Variants in GALNT2 observed in about 807,000 individuals in gnomAD.
GALNT2 encodes polypeptide N-acetylgalactosaminyltransferase 2.
GALNT2 carries 31 observed loss-of-function variants against 81.4 expected under a neutral mutation model. That is an observed-to-expected ratio of 0.38 (90% CI 0.29 to 0.51). The LOEUF is 0.51. GALNT2 is among the 20% of genes least tolerant of loss of function. GALNT2 has a pLI of 0.87. For synonymous variants in GALNT2, 303 were observed against 287.4 expected (o/e 1.05, Z -0.55); for missense variants, 629 against 765.7 (o/e 0.82, Z 2.11).
At chr1:230,209,595 A>G (rs1488572512) in intron 3 of GALNT2, among the ~76,000 whole-genome samples, 1 of 152,222 alleles carries the variant, frequency 6.6e-6, no homozygotes, top group Non-Finnish European at 1.5e-5. Context: ...TAATCCCAGC[A>G]CTTTGGGAGG....
Position 230,274,446 on chromosome 1 carries a change from A to C in GALNT2, c.1442A>C (p.Glu481Ala). Residue 481 changes from glutamate (E) to alanine (A), a missense_variant and splice_region_variant, in exon 15 of 16, where the codon GAA becomes GCA. Around this residue, in one of 3 missense-constraint regions of GALNT2, gnomAD observed 207 missense variants for 225.5 expected, o/e 0.92. Transcript: ENST00000366672. ...CTGACTTCTGGTTTTGTGTTCCAGG[A>C]ATGGGCCTTGACGAAGGAGAAGTCG... ...YECHNAGGNQ[E>A]WALTKEKSVK... 4 of 1,613,140 alleles carry C rather than the reference A, an allele frequency of 2.5e-6. No homozygotes were observed. The highest frequency in any genetic ancestry group is 3.4e-6 in the Non-Finnish European group (4 of 1,179,542).
chr1:230,126,223 T>G (rs570090717), intron 1 of GALNT2, among the ~76,000 whole-genome samples: 4 of 152,110 alleles, frequency 2.6e-5, no homozygotes, highest in African/African-American at 9.6e-5. Flanking sequence ...GAGTGTGGGG[T>G]TGCTGTGCTA....
At chr1:230,252,318 T>C (rs1665569925) in intron 10 of GALNT2, among the ~76,000 whole-genome samples, 1 of 152,184 alleles carries the variant, frequency 6.6e-6, no homozygotes, top group Admixed American at 6.5e-5. Context: ...TGTGCCCCGC[T>C]GGAATGACCA....
intron 1 of GALNT2, among the ~76,000 whole-genome samples, chr1:230,145,006 CCAAG>C (rs1661868893): frequency 6.6e-6 from 1 of 152,076 alleles, no homozygotes; most frequent in African/African-American, 2.4e-5. Context: ...AACCTACAAA[CCAAG>C]CAAGGTGAGA....
intron 13 of GALNT2, chr1:230,263,832 C>T (rs1336653955): frequency 6.6e-6 from 1 of 152,230 alleles, no homozygotes; most frequent in African/African-American, 2.4e-5. Context: ...CAAGACTTGC[C>T]ACCATTATCT....
At chr1:230,205,650 A>G (rs559350047) in intron 3 of GALNT2, among the ~76,000 whole-genome samples, 2 of 152,230 alleles carry the variant, frequency 1.3e-5, no homozygotes, top group East Asian at 3.9e-4. Flanking sequence ...GGGCTTTGGG[A>G]TGTTGTGAAA....
At chr1:230,227,263 C>T (rs1230570955) in intron 3 of GALNT2, among the ~76,000 whole-genome samples, 2 of 151,968 alleles carry the variant, frequency 1.3e-5, no homozygotes, top group East Asian at 3.9e-4. Flanking sequence ...AATGGGTTTG[C>T]GTAAAACCCA....
At chr1:230,242,447 A>T (rs1665229789) in intron 6 of GALNT2, among the ~76,000 whole-genome samples, 1 of 152,246 alleles carries the variant, frequency 6.6e-6, no homozygotes, top group Non-Finnish European at 1.5e-5. Flanking sequence ...TAGTTGCATC[A>T]TCTTCACATA....
chr1:230,236,236 G>A, intron 4 of GALNT2, 117 bp from the exon 5 acceptor site: 3 of 1,334,688 alleles, frequency 2.2e-6, no homozygotes, highest in Non-Finnish European at 2.1e-6. Flanking sequence ...AGCACAGGGT[G>A]CAGTGTGTAG....
intron 3 of GALNT2, among the ~76,000 whole-genome samples, chr1:230,224,746 C>T (rs932229826): frequency 6.6e-6 from 1 of 152,116 alleles, no homozygotes; most frequent in African/African-American, 2.4e-5. Context: ...AGTGTGTGTG[C>T]ATGTTTTTTG....
intron 11 of GALNT2, among the ~76,000 whole-genome samples, chr1:230,258,075 C>T (rs1482456360): frequency 2.6e-5 from 4 of 152,042 alleles, no homozygotes; most frequent in East Asian, 1.9e-4. Context: ...CCACCATGCC[C>T]GGCTAATTTT....
Position 230,160,042 on chromosome 1 carries a change from A to G in GALNT2, c.127-18176A>G, listed in dbSNP as rs10127775. Among the ~76,000 whole-genome samples, 34 of 152,038 alleles carry G rather than the reference A, an allele frequency of 2.2e-4. No homozygotes were observed. The South Asian group carries it at 6.2e-3, about 28-fold the overall frequency. ...TTCCCTCCTCCCCACTCCTAGGCCA[A>G]TGTCCTTAGTTTCTGCTCACTGATC... On this transcript the variant is annotated intron_variant, in intron 1 of 15. Transcript: ENST00000366672.
intron 1 of GALNT2, among the ~76,000 whole-genome samples, chr1:230,147,251 C>T (rs770549713): frequency 5.3e-5 from 8 of 152,222 alleles, no homozygotes; most frequent in African/African-American, 9.6e-5. Context: ...GATGTTGTCC[C>T]TGGACTGATG....
At chr1:230,250,654 G>A in intron 10 of GALNT2, 94 bp downstream of exon 10, 1 of 806,642 alleles carries the variant, frequency 1.2e-6, no homozygotes, top group Non-Finnish European at 2.0e-6. Context: ...AGGCTTCAGA[G>A]TGACCATTCA....
chr1:230,162,867 C>T (rs904904199), intron 1 of GALNT2, among the ~76,000 whole-genome samples: 3 of 152,186 alleles, frequency 2.0e-5, no homozygotes, highest in Non-Finnish European at 4.4e-5. Flanking sequence ...CCATTTTTGT[C>T]CAGTCACATT....
chr1:230,124,385 G>T (rs1265696479), intron 1 of GALNT2, among the ~76,000 whole-genome samples: 1 of 152,136 alleles, frequency 6.6e-6, no homozygotes, highest in Non-Finnish European at 1.5e-5. Flanking sequence ...ATCTGTGGTC[G>T]TACTGGACTT....
intron 1 of GALNT2, among the ~76,000 whole-genome samples, chr1:230,167,350 T>C (rs769665804): frequency 3.9e-5 from 6 of 152,194 alleles, no homozygotes; most frequent in African/African-American, 7.2e-5. Flanking sequence ...TCTCACCACG[T>C]TGCCCAGGCT....
chr1:230,079,144 T>C (rs1057052598), intron 1 of GALNT2, among the ~76,000 whole-genome samples: 2 of 152,254 alleles, frequency 1.3e-5, no homozygotes, highest in Admixed American at 6.5e-5. Flanking sequence ...TTAATAAATA[T>C]GTGTTAGTCC....
intron 1 of GALNT2, among the ~76,000 whole-genome samples, chr1:230,139,429 C>T (rs886841663): frequency 1.3e-5 from 2 of 152,164 alleles, no homozygotes; most frequent in African/African-American, 4.8e-5. Flanking sequence ...TAGGCTAAGA[C>T]AGCACAGTGC....
Sources: allele counts gnomAD v4.1 joint callset (sites outside exome capture counted in the v4.1 genomes callset), GRCh38; gene constraint gnomAD v4.1.1; regional missense constraint gnomAD v4.1.1; transcripts MANE v1.5; gene names NCBI Gene and HGNC (gene_info 2026-07-23, HGNC 2026-07-21).